DNM3: variants seen among roughly 807,000 people sequenced by gnomAD.
The protein encoded by DNM3 is dynamin-3.
DNM3 carries 47 observed loss-of-function variants against 101.6 expected under a neutral mutation model. The ratio of observed to expected loss-of-function variants is 0.46; its 90% CI spans 0.37 to 0.59. The LOEUF (loss-of-function observed/expected upper bound fraction) is 0.59. Ranked by LOEUF, DNM3 falls within the 20% of genes least tolerant of loss-of-function variation. The probability of loss-of-function intolerance (pLI) is 0.00; values close to 1 mark genes in which losing one functional copy is unlikely to be tolerated. For missense variants in DNM3, 849 were observed against 1,085.7 expected (o/e 0.78, Z 3.06); for synonymous variants, 385 against 387.9 (o/e 0.99, Z 0.09).
chr1:172,124,241 G>A (rs2056490583), intron 13 of DNM3, among the ~76,000 whole-genome samples: 1 of 152,106 alleles, frequency 6.6e-6, no homozygotes, highest in African/African-American at 2.4e-5. Flanking sequence ...AGATACAAAA[G>A]TTCAAGAATT....
At chr1:172,116,399 G>A (rs2055894226) in intron 13 of DNM3, among the ~76,000 whole-genome samples, 1 of 152,160 alleles carries the variant, frequency 6.6e-6, no homozygotes, top group African/African-American at 2.4e-5. Flanking sequence ...TCCTTGCACT[G>A]CTGTAGACCT....
chr1:172,210,932 T>C (rs763777305), intron 14 of DNM3, among the ~76,000 whole-genome samples: 18 of 152,174 alleles, frequency 1.2e-4, no homozygotes, highest in Non-Finnish European at 5.9e-5. Context: ...ATAAAGGGCA[T>C]TTTTTACATC....
intron 11 of DNM3, among the ~76,000 whole-genome samples, chr1:172,072,312 G>A (rs1338934284): frequency 6.6e-6 from 1 of 152,146 alleles, no homozygotes; most frequent in Non-Finnish European, 1.5e-5. Flanking sequence ...AACTCTGACT[G>A]TATGAATTTT....
chr1:171,986,929 AGTAG>A (rs1372907822), intron 2 of DNM3, among the ~76,000 whole-genome samples: 1 of 152,124 alleles, frequency 6.6e-6, no homozygotes, highest in African/African-American at 2.4e-5. Context: ...TTTCTCTCAA[AGTAG>A]GTACAGAAAT....
At chr1:171,869,600 G>A (rs2035084863) in intron 1 of DNM3, among the ~76,000 whole-genome samples, 1 of 152,126 alleles carries the variant, frequency 6.6e-6, no homozygotes, top group African/African-American at 2.4e-5. Flanking sequence ...TTTTCTGGCT[G>A]TTCATTTCTC....
chr1:172,135,494 GTTT>G (rs895810053), intron 14 of DNM3, among the ~76,000 whole-genome samples: 2 of 150,156 alleles, frequency 1.3e-5, no homozygotes, highest in Non-Finnish European at 3.0e-5. Context: ...GTGTTTTTTT[GTTT>G]TTGTTTTTGT....
chr1:172,230,754 G>A (rs1470421029), intron 14 of DNM3, among the ~76,000 whole-genome samples: 2 of 151,956 alleles, frequency 1.3e-5, no homozygotes, highest in Non-Finnish European at 2.9e-5. Context: ...TACCAAAATT[G>A]TGGTTCTAGT....
At chr1:172,267,805 C>T (rs1327788153) in intron 15 of DNM3, among the ~76,000 whole-genome samples, 2 of 152,046 alleles carry the variant, frequency 1.3e-5, no homozygotes, top group South Asian at 2.1e-4. Flanking sequence ...CTCCGCCTCC[C>T]GGGTTCACAC....
chr1:172,299,500 G>A (rs1245532964), intron 15 of DNM3, among the ~76,000 whole-genome samples: 1 of 152,144 alleles, frequency 6.6e-6, no homozygotes, highest in Non-Finnish European at 1.5e-5. Flanking sequence ...GGTGAGCATA[G>A]TACCCAGTAG....
intron 15 of DNM3, among the ~76,000 whole-genome samples, chr1:172,298,840 C>G (rs1193698052): frequency 1.5e-5 from 2 of 136,478 alleles, no homozygotes; most frequent in Non-Finnish European, 3.2e-5. Flanking sequence ...AAAGGAAGGA[C>G]AGAAAGAAGA....
At chr1:171,914,682 T>A (rs2039574290) in intron 1 of DNM3, among the ~76,000 whole-genome samples, 2 of 152,216 alleles carry the variant, frequency 1.3e-5, no homozygotes, top group East Asian at 3.8e-4. Context: ...TTGAGAGTCA[T>A]CTTGCCTATT....
chr1:172,339,895 G>T (rs2148955955), intron 17 of DNM3, among the ~76,000 whole-genome samples: 1 of 152,310 alleles, frequency 6.6e-6, no homozygotes. Context: ...TGTGCTCAGG[G>T]TTCACTGGGT....
intron 1 of DNM3, among the ~76,000 whole-genome samples, chr1:171,870,545 G>A (rs1474160045): frequency 2.6e-5 from 4 of 152,006 alleles, no homozygotes; most frequent in East Asian, 1.9e-4. Context: ...TCTGCAAAAC[G>A]TTGGCCCTAA....
chr1:171,913,927 TA>T (rs2039504967), intron 1 of DNM3, among the ~76,000 whole-genome samples: 2 of 151,898 alleles, frequency 1.3e-5, no homozygotes, highest in Admixed American at 1.3e-4. Flanking sequence ...TAGCTGGGAC[TA>T]CAGGCTCAAG....
chr1:172,146,647 C>A (rs2057915389), intron 14 of DNM3, among the ~76,000 whole-genome samples: 1 of 152,074 alleles, frequency 6.6e-6, no homozygotes, highest in South Asian at 2.1e-4. Context: ...GATACCAACT[C>A]CATTCTTTTC....
intron 17 of DNM3, among the ~76,000 whole-genome samples, chr1:172,370,980 T>G (rs572419605): frequency 6.6e-6 from 1 of 152,040 alleles, no homozygotes; most frequent in Non-Finnish European, 1.5e-5. Flanking sequence ...TCAGAACGAA[T>G]AGAAGTGTTT....
intron 17 of DNM3, among the ~76,000 whole-genome samples, chr1:172,377,766 G>A (rs2068687638): frequency 6.6e-6 from 1 of 151,620 alleles, no homozygotes; most frequent in Non-Finnish European, 1.5e-5. Context: ...TCTCAGGACT[G>A]GGAAATGAGT....
intron 1 of DNM3, among the ~76,000 whole-genome samples, chr1:171,853,476 T>G (rs2033219049): frequency 6.6e-6 from 1 of 152,218 alleles, no homozygotes; most frequent in Non-Finnish European, 1.5e-5. Flanking sequence ...CTGTATTTAT[T>G]TATTTTTTAA....
intron 14 of DNM3, among the ~76,000 whole-genome samples, chr1:172,246,229 A>G (rs2061948557): frequency 6.6e-6 from 1 of 152,098 alleles, no homozygotes; most frequent in African/African-American, 2.4e-5. Flanking sequence ...ACAGAGCCAA[A>G]CCCTATCAAC....
Sources: gnomAD v4.1 joint callset for allele counts (sites outside exome capture counted in the v4.1 genomes callset) on GRCh38, gnomAD v4.1.1 for gene constraint, MANE v1.5 for transcripts, NCBI Gene and HGNC (gene_info 2026-07-23, HGNC 2026-07-21) for gene names.